RET: variants seen among roughly 807,000 people sequenced by gnomAD.
The protein encoded by RET is ret proto-oncogene.
A neutral mutation model predicts 118.3 loss-of-function variants in RET; 19 were observed. That is an observed-to-expected ratio of 0.16 (90% CI 0.11 to 0.24). The LOEUF (loss-of-function observed/expected upper bound fraction) is 0.24, where lower values mean the gene tolerates loss of function less well. Among genes scored for constraint, RET ranks in the 10% least tolerant of loss-of-function variants. The probability of loss-of-function intolerance (pLI) is 1.00; values close to 1 mark genes in which losing one functional copy is unlikely to be tolerated. For synonymous variants in RET, 597 were observed against 644.1 expected (o/e 0.93, Z 1.11); for missense variants, 1,219 against 1,502.1 (o/e 0.81, Z 3.12).
At chr10:43,120,849 C>T (rs769534563) in intron 15 of RET, among the ~76,000 whole-genome samples, 6 of 152,174 alleles carry the variant, frequency 3.9e-5, no homozygotes, top group Non-Finnish European at 5.9e-5. Flanking sequence ...TGCAGCCTCC[C>T]AGTGGCAGCC....
intron 1 of RET, among the ~76,000 whole-genome samples, chr10:43,085,416 G>A (rs1032437727): frequency 1.3e-5 from 2 of 152,212 alleles, no homozygotes; most frequent in African/African-American, 4.8e-5. Context: ...CTCATCGTCA[G>A]TGGCCTGGGA....
chr10:43,117,240 G>T (rs1186272183), intron 12 of RET, among the ~76,000 whole-genome samples: 2 of 152,276 alleles, frequency 1.3e-5, no homozygotes, highest in East Asian at 3.8e-4. Context: ...CCCCAGCCCT[G>T]TGAACAGCCA....
chr10:43,117,752 C>T (rs1054834289), intron 12 of RET, among the ~76,000 whole-genome samples: 2 of 152,228 alleles, frequency 1.3e-5, no homozygotes, highest in African/African-American at 4.8e-5. Flanking sequence ...TCATGCTATT[C>T]ATTAAGAATA....
At chr10:43,081,855 G>A (rs1837191435) in intron 1 of RET, among the ~76,000 whole-genome samples, 1 of 152,188 alleles carries the variant, frequency 6.6e-6, no homozygotes. Context: ...GTCCCCTGAG[G>A]CAGGCTGTAC....
chr10:43,078,725 C>T (rs910459940), intron 1 of RET, among the ~76,000 whole-genome samples: 8 of 152,320 alleles, frequency 5.3e-5, no homozygotes, highest in African/African-American at 1.7e-4. Flanking sequence ...CACAGCCTTG[C>T]GTTCAGTTGG....
rs1838413203 is a variant in RET at position 43,129,974 on chromosome 10, A to G, written c.*1705A>G. Reference sequence around the variant, plus strand: ...CAGAAATAAGAATAAACTTTCTCAAATTATTAAAAATGCCTACACAGTAAG... The same window carrying G: ...CAGAAATAAGAATAAACTTTCTCAAGTTATTAAAAATGCCTACACAGTAAG... On this transcript the variant is annotated 3_prime_UTR_variant, in exon 20 of 20. Transcript: ENST00000355710. The G allele has an allele frequency of 2.5e-6, 1 of 398,866 alleles. No homozygotes were observed. Among genetic ancestry groups the G allele is most frequent in the Non-Finnish European group, 4.4e-6 (1 of 226,078 alleles). 24.7% of individuals were successfully genotyped at this position (398,866 alleles called of 1,614,324 possible).
Position 43,112,121 on chromosome 10 carries a change from C to G in RET, c.1545C>G (p.Cys515Trp), listed in dbSNP as rs1554818626. ...EGSYVAEEAG[C>W]PLSCAVSKRR... ...CAGATGTGGCCGAGGAGGCGGGCTG[C>G]CCCCTGTCCTGTGCAGTCAGCAAGA... The change falls in exon 8 of 20, where the codon TGC (cysteine) becomes TGG (tryptophan). Residue 515 changes from cysteine (C) to tryptophan (W), a missense_variant. By Grantham distance (215) the Cys-to-Trp change is radical (BLOSUM62 -2). Transcript: ENST00000355710. 1 of 1,601,428 alleles carries G rather than the reference C, an allele frequency of 6.2e-7. No individual in the cohort carries two copies. Among genetic ancestry groups the G allele is most frequent in the Non-Finnish European group, 8.5e-7 (1 of 1,174,106 alleles).
chr10:43,103,472 G>A (rs1161397425), intron 3 of RET, among the ~76,000 whole-genome samples: 1 of 152,160 alleles, frequency 6.6e-6, no homozygotes, highest in Non-Finnish European at 1.5e-5. Context: ...GGATCCCAGT[G>A]GAGAGGGGAG....
rs2132664268 is a variant in RET at position 43,100,682 on chromosome 10, G to A, written c.297G>A (p.Arg99=). The change falls in exon 2 of 20, where the codon CGG becomes CGA. Residue 99 remains arginine (R), a synonymous_variant. Transcript: ENST00000355710. The part of the protein sequence containing the change: ...QEDTGLLYLN[R]SLDHSSWEKL... ...ACACCGGCCTCCTCTACCTTAACCGGAGCCTGGACCATAGCTCCTGGGAGA... is the reference window on the plus strand; with the variant it reads ...ACACCGGCCTCCTCTACCTTAACCGAAGCCTGGACCATAGCTCCTGGGAGA... The A allele has an allele frequency of 6.2e-7, 1 of 1,609,648 alleles. No individual in the cohort carries two copies. The highest frequency in any genetic ancestry group is 8.5e-7 in the Non-Finnish European group (1 of 1,178,156).
chr10:43,101,467 G>A (rs577905706), intron 2 of RET, among the ~76,000 whole-genome samples: 4 of 152,370 alleles, frequency 2.6e-5, no homozygotes, highest in South Asian at 2.1e-4. Context: ...GGGGAGGGAG[G>A]AGACTTGGGT....
In RET at chr10:43,111,295, C is replaced by T. The variant is rs774092678; in HGVS notation, c.1352C>T (p.Thr451Met). ...KLHSSGANCS[T>M]LGVVTSAEDT... The stretch of plus-strand genomic sequence containing the variant: ...CATTCCTCTGGTGCCAACTGCAGCA[C>T]GCTAGGGGTGGTCACCTCAGCCGAG... The change falls in exon 7 of 20, where the codon ACG becomes ATG. Residue 451 changes from threonine (T) to methionine (M), a missense_variant. Around this residue, in one of 5 missense-constraint regions of RET, gnomAD observed 850 missense variants for 969.6 expected, o/e 0.88. Coordinates refer to ENST00000355710, the MANE Select transcript of RET (RefSeq NM_020975.6). 1.7e-5 allele frequency: 27 copies of T among 1,614,148 alleles called. No homozygotes were observed. The highest frequency in any genetic ancestry group is 5.5e-5 in the South Asian group (5 of 91,090).
chr10:43,077,287 G>C lies in RET; in HGVS notation c.29G>C (p.Gly10Ala), dbSNP rs1303812507. The C allele has an allele frequency of 6.6e-7, 1 of 1,509,480 alleles. No individual in the cohort carries two copies. The highest frequency in any genetic ancestry group is 2.6e-5 in the East Asian group (1 of 38,380). 93.5% of individuals were successfully genotyped at this position (1,509,480 alleles called of 1,614,324 possible). A position where few individuals can be genotyped will look rare whatever the true frequency, so the allele number is the denominator to read the frequency against. Residue 10 changes from glycine to alanine, a missense_variant, in exon 1 of 20, where the codon GGG becomes GCG. Around this residue, in one of 5 missense-constraint regions of RET, gnomAD observed 38 missense variants for 33.1 expected, o/e 1.15. Transcript: ENST00000355710. ...GCGAAGGCGACGTCCGGTGCCGCGGGGCTGCGTCTGCTGTTGCTGCTGCTG... is the reference window on the plus strand; with the variant it reads ...GCGAAGGCGACGTCCGGTGCCGCGGCGCTGCGTCTGCTGTTGCTGCTGCTG... MAKATSGAA[G>A]LRLLLLLLLP...
chr10:43,127,652 C>T (rs981114890), intron 19 of RET: 7 of 283,500 alleles, frequency 2.5e-5, no homozygotes, highest in East Asian at 1.7e-4. Context: ...TTTGTGCTGA[C>T]GATGCTATGA....
At chr10:43,104,791 CGT>C in intron 3 of RET, 159 bp from the exon 4 acceptor site, 2 of 1,107,138 alleles carry the variant, frequency 1.8e-6, no homozygotes, top group East Asian at 2.6e-5. Flanking sequence ...ACTGCAAACT[CGT>C]GCTCCGAGCG....
intron 5 of RET, 124 bp from the exon 6 acceptor site, chr10:43,108,907 C>T (rs1456859170): frequency 1.1e-6 from 1 of 925,808 alleles, no homozygotes; most frequent in African/African-American, 1.6e-5. Flanking sequence ...TTGCATGGCA[C>T]TGTATGTGTG....
rs1554819542 is a variant in RET, at chr10:43,119,640, C to T, written c.2502C>T (p.Asn834=). The change falls in exon 14 of 20, where the codon AAC becomes AAT. Residue 834 remains asparagine (N), a synonymous_variant. Transcript: ENST00000355710. The stretch of plus-strand genomic sequence containing the variant: ...ACCTGGGCAGTGGAGGCAGCCGCAA[C>T]TCCAGCTCCCTGGACCACCCGGATG... ...PGYLGSGGSR[N]SSSLDHPDER... 6.2e-7 allele frequency: 1 copy of T among 1,613,180 alleles called. No homozygotes were observed. Among genetic ancestry groups the T allele is most frequent in the Non-Finnish European group, 8.5e-7 (1 of 1,179,946 alleles).
chr10:43,126,508 G>C, intron 18 of RET, 67 bp from the exon 19 acceptor site: 3 of 1,393,440 alleles, frequency 2.2e-6, no homozygotes, highest in Non-Finnish European at 3.0e-6. Context: ...AGGATGGCTT[G>C]TTGTATACTG....
At chr10:43,090,299 A>G (rs1837383807) in intron 1 of RET, among the ~76,000 whole-genome samples, 1 of 152,240 alleles carries the variant, frequency 6.6e-6, no homozygotes, top group South Asian at 2.1e-4. Context: ...GACGCCAGGC[A>G]GGGTGCACTT....
intron 1 of RET, among the ~76,000 whole-genome samples, chr10:43,078,653 G>T (rs1359907280): frequency 6.6e-6 from 1 of 152,236 alleles, no homozygotes; most frequent in African/African-American, 2.4e-5. Context: ...TGAGGTTGTG[G>T]GCAGGGGGCC....
Sources: gnomAD v4.1 joint callset for allele counts (sites outside exome capture counted in the v4.1 genomes callset) on GRCh38, gnomAD v4.1.1 for gene constraint, gnomAD v4.1.1 regional missense constraint, MANE v1.5 for transcripts, NCBI Gene and HGNC (gene_info 2026-07-23, HGNC 2026-07-21) for gene names.